The following CSMD1 variants were observed in gnomAD, a reference collection of about 807,000 sequenced individuals.
The protein encoded by CSMD1 is CUB and Sushi multiple domains 1.
Under a neutral mutation model 417.5 loss-of-function variants are expected in CSMD1, and 213 were observed. The observed-to-expected ratio is 0.51, with a 90% CI of 0.46 to 0.57. The LOEUF (loss-of-function observed/expected upper bound fraction) is 0.57, where lower values mean the gene tolerates loss of function less well. CSMD1 is among the 20% of genes least tolerant of loss of function. The pLI is 0.00. For missense variants in CSMD1, 6,923 were observed against 4,529.7 expected (o/e 1.53, Z -15.17); for synonymous variants, 2,862 against 1,736.8 (o/e 1.65, Z -16.11).
chr8:4,156,568 T>TC (rs1200043502), intron 3 of CSMD1, among the ~76,000 whole-genome samples: 1 of 152,060 alleles, frequency 6.6e-6, no homozygotes, highest in Non-Finnish European at 1.5e-5. Context: ...ATCACTTCTA[T>TC]CCACATACCC....
chr8:3,144,606 T>C (rs549462048), intron 40 of CSMD1, among the ~76,000 whole-genome samples: 53 of 152,178 alleles, frequency 3.5e-4, no homozygotes, highest in African/African-American at 1.2e-3. Flanking sequence ...GTCTGCTGTA[T>C]ATAATCAAGG....
intron 5 of CSMD1, among the ~76,000 whole-genome samples, chr8:3,909,373 AG>A (rs1236433704): frequency 6.6e-6 from 1 of 152,108 alleles, no homozygotes; most frequent in East Asian, 1.9e-4. Flanking sequence ...ATTCGTCAGG[AG>A]GAACCCAGAC....
At chr8:3,814,527 T>C (rs1187951849) in intron 5 of CSMD1, among the ~76,000 whole-genome samples, 1 of 152,204 alleles carries the variant, frequency 6.6e-6, no homozygotes, top group Non-Finnish European at 1.5e-5. Context: ...CATTTGGCAC[T>C]ACCTGGAGAC....
chr8:3,804,842 G>C (rs1800640359), intron 5 of CSMD1, among the ~76,000 whole-genome samples: 3 of 152,122 alleles, frequency 2.0e-5, no homozygotes, highest in African/African-American at 7.2e-5. Flanking sequence ...CATAAAGAAA[G>C]GGTAGGTTTT....
At chr8:3,302,234 A>T (rs1164958011) in intron 25 of CSMD1, among the ~76,000 whole-genome samples, 1 of 152,188 alleles carries the variant, frequency 6.6e-6, no homozygotes, top group Non-Finnish European at 1.5e-5. Flanking sequence ...ATCAGCTTCC[A>T]CCATTTTATC....
intron 8 of CSMD1, chr8:3,598,258 G>A (rs919490765): frequency 4.6e-5 from 7 of 151,736 alleles, no homozygotes; most frequent in Non-Finnish European, 7.4e-5. Flanking sequence ...ATGAACTCCA[G>A]CTGTAAACAT....
chr8:4,539,176 G>C (rs992788953), intron 2 of CSMD1, among the ~76,000 whole-genome samples: 1 of 152,140 alleles, frequency 6.6e-6, no homozygotes, highest in Admixed American at 6.5e-5. Context: ...CACACAATTT[G>C]AATTATTTTG....
intron 50 of CSMD1, among the ~76,000 whole-genome samples, chr8:3,038,875 A>G (rs1810878916): frequency 6.6e-6 from 1 of 152,186 alleles, no homozygotes; most frequent in Admixed American, 6.5e-5. Flanking sequence ...ACCCAGCCAG[A>G]GCCACATAGA....
chr8:3,360,291 G>T (rs1585050915), intron 20 of CSMD1, among the ~76,000 whole-genome samples: 1 of 152,202 alleles, frequency 6.6e-6, no homozygotes, highest in African/African-American at 2.4e-5. Flanking sequence ...TTGGGAGTAA[G>T]TATTCAAAAT....
At chr8:4,138,237 C>G (rs1274370223) in intron 3 of CSMD1, among the ~76,000 whole-genome samples, 1 of 128,714 alleles carries the variant, frequency 7.8e-6, no homozygotes, top group Non-Finnish European at 1.6e-5. Flanking sequence ...AGGTCTCTAA[C>G]TGATGGGTTT....
intron 5 of CSMD1, among the ~76,000 whole-genome samples, chr8:3,779,624 T>C (rs942274826): frequency 1.8e-4 from 27 of 152,326 alleles, no homozygotes; most frequent in African/African-American, 6.5e-4. Flanking sequence ...ATATGGATAA[T>C]GACAGCGTTA....
At chr8:4,587,877 A>T (rs1799783609) in intron 2 of CSMD1, among the ~76,000 whole-genome samples, 1 of 152,210 alleles carries the variant, frequency 6.6e-6, no homozygotes, top group Non-Finnish European at 1.5e-5. Flanking sequence ...AAATGTAAAA[A>T]CTGTTGTCCC....
chr8:4,382,948 C>T (rs1177709305), intron 3 of CSMD1, among the ~76,000 whole-genome samples: 1 of 152,156 alleles, frequency 6.6e-6, no homozygotes, highest in Non-Finnish European at 1.5e-5. Context: ...ATCACCTAAG[C>T]TGCATATACA....
At chr8:4,792,747 C>A (rs1300031513) in intron 1 of CSMD1, among the ~76,000 whole-genome samples, 1 of 152,104 alleles carries the variant, frequency 6.6e-6, no homozygotes. Flanking sequence ...TACACCGATG[C>A]CCATTACTAC....
At chr8:4,090,045 C>T (rs1800634378) in intron 3 of CSMD1, among the ~76,000 whole-genome samples, 1 of 152,166 alleles carries the variant, frequency 6.6e-6, no homozygotes, top group African/African-American at 2.4e-5. Flanking sequence ...ATTGATTTAT[C>T]ATAGGACATG....
chr8:4,871,010 C>T (rs1189211926), intron 1 of CSMD1, among the ~76,000 whole-genome samples: 3 of 152,062 alleles, frequency 2.0e-5, no homozygotes, highest in African/African-American at 7.3e-5. Flanking sequence ...GTCTGGGTGT[C>T]AGAGCTGTGC....
At chr8:3,375,263 A>T (rs186739010) in intron 18 of CSMD1, 7 of 152,148 alleles carry the variant, frequency 4.6e-5, no homozygotes, top group African/African-American at 1.7e-4. Flanking sequence ...ACTCCCCACT[A>T]TTGCTTTCTT....
intron 3 of CSMD1, among the ~76,000 whole-genome samples, chr8:4,407,004 A>G (rs566515874): frequency 6.6e-6 from 1 of 152,180 alleles, no homozygotes; most frequent in Admixed American, 6.5e-5. Context: ...TTGGGATTCC[A>G]CACCATAGCT....
At chr8:3,407,694 G>C (rs1011227570) in intron 14 of CSMD1, among the ~76,000 whole-genome samples, 3 of 152,122 alleles carry the variant, frequency 2.0e-5, no homozygotes. Context: ...GTTTAGGAGT[G>C]ATGAAGCCAC....
Sources: gnomAD v4.1 joint callset for allele counts (sites outside exome capture counted in the v4.1 genomes callset) on GRCh38, gnomAD v4.1.1 for gene constraint, MANE v1.5 for transcripts, NCBI Gene and HGNC (gene_info 2026-07-23, HGNC 2026-07-21) for gene names.